Variants in IL1RAPL2 observed in about 807,000 individuals in gnomAD.
The protein encoded by IL1RAPL2 is X-linked interleukin-1 receptor accessory protein-like 2.
IL1RAPL2 carries 3 observed loss-of-function variants against 44.1 expected under a neutral mutation model. The observed-to-expected ratio is 0.07, with a 90% CI of 0.03 to 0.18. The LOEUF is 0.18. Ranked by LOEUF, IL1RAPL2 falls within the 10% of genes least tolerant of loss-of-function variation. The probability of loss-of-function intolerance (pLI) is 1.00; values close to 1 mark genes in which losing one functional copy is unlikely to be tolerated. For missense variants in IL1RAPL2, 391 were observed against 496.4 expected, an observed-to-expected ratio of 0.79 and a Z score of 2.02; for synonymous variants, 181 against 178.8, an observed-to-expected ratio of 1.01 and a Z score of -0.10.
chrX:105,331,432 C>T (rs887765858), intron 5 of IL1RAPL2, among the ~76,000 whole-genome samples: 3 of 111,363 alleles, frequency 2.7e-5, no homozygotes, highest in East Asian at 5.6e-4. Context: ...TGATGCTGCC[C>T]AAATGGAATG....
chrX:105,524,792 A>C (rs1444886850), intron 6 of IL1RAPL2, among the ~76,000 whole-genome samples: 4 of 110,773 alleles, frequency 3.6e-5, no homozygotes, highest in African/African-American at 1.3e-4. Context: ...CAATTCTGTC[A>C]CTTCCTGGCT....
At chrX:104,893,550 T>G (rs1923534824) in intron 2 of IL1RAPL2, among the ~76,000 whole-genome samples, 1 of 111,758 alleles carries the variant, frequency 8.9e-6, no homozygotes, top group Non-Finnish European at 1.9e-5. Context: ...AATGGTCTTC[T>G]TTGTCTCTTT....
At chrX:105,285,945 A>G (rs2034567436) in intron 5 of IL1RAPL2, among the ~76,000 whole-genome samples, 2 of 111,762 alleles carry the variant, frequency 1.8e-5, no homozygotes, top group African/African-American at 6.5e-5. Context: ...CAATTTTCCA[A>G]CTAACCTTGG....
chrX:105,088,093 A>G (rs978915739), intron 2 of IL1RAPL2, among the ~76,000 whole-genome samples: 1 of 112,227 alleles, frequency 8.9e-6, no homozygotes, highest in Non-Finnish European at 1.9e-5. Flanking sequence ...TAACATAAGA[A>G]TGTTTGTTAA....
At chrX:104,742,203 A>G (rs1242597085) in intron 2 of IL1RAPL2, among the ~76,000 whole-genome samples, 1 of 111,878 alleles carries the variant, frequency 8.9e-6, no homozygotes, top group Non-Finnish European at 1.9e-5. Context: ...AGACAAAAGA[A>G]GGGTCAACTA....
chrX:104,610,724 A>G (rs1041012279), intron 1 of IL1RAPL2, among the ~76,000 whole-genome samples: 1 of 111,960 alleles, frequency 8.9e-6, no homozygotes, highest in Non-Finnish European at 1.9e-5. Flanking sequence ...TATAGATTCA[A>G]TGCGATCCCC....
At chrX:104,653,976 C>T (rs769626401) in intron 1 of IL1RAPL2, among the ~76,000 whole-genome samples, 70 of 110,222 alleles carry the variant, frequency 6.4e-4, no homozygotes, top group Middle Eastern at 4.8e-3. Context: ...TTTAAAGGAC[C>T]CTAGCTGAAC....
intron 6 of IL1RAPL2, among the ~76,000 whole-genome samples, chrX:105,698,471 A>G (rs1250775988): frequency 5.4e-5 from 6 of 111,871 alleles, no homozygotes; most frequent in Admixed American, 9.5e-5. Context: ...AGTTGGTGAA[A>G]TATTTAATTT....
At chrX:105,117,159 A>T (rs1287047459) in intron 2 of IL1RAPL2, among the ~76,000 whole-genome samples, 1 of 112,353 alleles carries the variant, frequency 8.9e-6, no homozygotes, top group East Asian at 2.8e-4. Flanking sequence ...AAAAGAACAT[A>T]GCACTTCTTC....
chrX:105,577,457 C>T (rs1038875756), intron 6 of IL1RAPL2, among the ~76,000 whole-genome samples: 3 of 110,823 alleles, frequency 2.7e-5, no homozygotes, highest in Non-Finnish European at 5.7e-5. Flanking sequence ...GCCACCTCAT[C>T]AAGGTTATAG....
At chrX:105,507,019 A>G (rs756644699) in intron 6 of IL1RAPL2, among the ~76,000 whole-genome samples, 7 of 111,871 alleles carry the variant, frequency 6.3e-5, no homozygotes, top group African/African-American at 2.3e-4. Flanking sequence ...CTAACATTTC[A>G]ATGAAATATA....
intron 2 of IL1RAPL2, among the ~76,000 whole-genome samples, chrX:104,892,415 T>G (rs1197214352): frequency 8.9e-6 from 1 of 111,810 alleles, no homozygotes; most frequent in Non-Finnish European, 1.9e-5. Flanking sequence ...GCTGTGAATC[T>G]GTCTGCTCCT....
At chrX:105,450,000 G>A (rs1045213736) in intron 5 of IL1RAPL2, among the ~76,000 whole-genome samples, 17 of 111,727 alleles carry the variant, frequency 1.5e-4, no homozygotes, top group African/African-American at 4.9e-4. Flanking sequence ...CAAGGACCTA[G>A]GCATGTCCAG....
chrX:104,617,718 A>C (rs1025924273), intron 1 of IL1RAPL2, among the ~76,000 whole-genome samples: 1 of 111,692 alleles, frequency 9.0e-6, no homozygotes, highest in African/African-American at 3.2e-5. Context: ...TTTCTTTTTA[A>C]AATGTTTATC....
chrX:104,902,699 A>G (rs1422568234), intron 2 of IL1RAPL2, among the ~76,000 whole-genome samples: 3 of 112,004 alleles, frequency 2.7e-5, no homozygotes, highest in Non-Finnish European at 5.6e-5. Flanking sequence ...CTATATGTAT[A>G]TATTCTAGAA....
chrX:104,653,264 G>T (rs2092519341), intron 1 of IL1RAPL2, among the ~76,000 whole-genome samples: 1 of 111,619 alleles, frequency 9.0e-6, no homozygotes, highest in Non-Finnish European at 1.9e-5. Context: ...CCTCTGGCAA[G>T]AATTATGCAG....
At chrX:105,495,403 T>C (rs191023540) in intron 6 of IL1RAPL2, among the ~76,000 whole-genome samples, 1 of 112,116 alleles carries the variant, frequency 8.9e-6, no homozygotes, top group Admixed American at 9.4e-5. Context: ...ATTCATCAAG[T>C]CCACAAAAAA....
chrX:105,188,064 A>G (rs1034172951), intron 2 of IL1RAPL2, among the ~76,000 whole-genome samples: 6 of 111,785 alleles, frequency 5.4e-5, no homozygotes, highest in Non-Finnish European at 1.1e-4. Context: ...AAGCACTTAG[A>G]TAGTCTTCAG....
At chrX:105,550,758 GAGTT>G (rs1259607566) in intron 6 of IL1RAPL2, among the ~76,000 whole-genome samples, 1 of 88,681 alleles carries the variant, frequency 1.1e-5, no homozygotes, top group African/African-American at 4.6e-5. Context: ...AAGATTCTAA[GAGTT>G]AGTATTTACC....
Sources: gnomAD v4.1 joint callset for allele counts (sites outside exome capture counted in the v4.1 genomes callset) on GRCh38, gnomAD v4.1.1 for gene constraint, MANE v1.5 for transcripts, NCBI Gene and HGNC (gene_info 2026-07-23, HGNC 2026-07-21) for gene names.